Variants in NXPH1 observed in about 807,000 individuals in gnomAD.
NXPH1 encodes the protein neurexophilin 1, also known as neurexophilin-1.
NXPH1 carries 5 observed loss-of-function variants against 23.7 expected under a neutral mutation model. The observed-to-expected ratio is 0.21, with a 90% CI of 0.11 to 0.44. The LOEUF (loss-of-function observed/expected upper bound fraction) is 0.44. Among genes scored for constraint, NXPH1 ranks in the 20% least tolerant of loss-of-function variants. The pLI, the probability that NXPH1 is intolerant of heterozygous loss-of-function variation, is 0.99. For synonymous variants in NXPH1, 144 were observed against 122.2 expected (o/e 1.18, Z -1.18); for missense variants, 324 against 321.6 (o/e 1.01, Z -0.06).
At chr7:8,631,557 GT>G (rs5882181) in intron 2 of NXPH1, among the ~76,000 whole-genome samples, 49,743 of 151,380 alleles carry the variant, frequency 0.33, 8,570 homozygotes, top group African/African-American at 0.44. Flanking sequence ...CATCTATAAG[GT>G]TTTTTTTTCT....
chr7:8,487,465 T>C (rs1215890324), intron 2 of NXPH1, among the ~76,000 whole-genome samples: 1 of 152,150 alleles, frequency 6.6e-6, no homozygotes, highest in East Asian at 1.9e-4. Context: ...TGTGGAACTG[T>C]GAATCAATTA....
intron 2 of NXPH1, among the ~76,000 whole-genome samples, chr7:8,488,872 G>C (rs1005677094): frequency 1.3e-5 from 2 of 152,264 alleles, no homozygotes; most frequent in African/African-American, 4.8e-5. Flanking sequence ...CATTGCTTCT[G>C]TTAAGATGAT....
rs147440735 is a variant in NXPH1, at chr7:8,655,037, C to T, written c.55-95971C>T. ...CTCAACTTTCCATGAAGGTAAGATT[C>T]CCCACTGTGTCTTTTTCTTTTTCCT... On this transcript the variant is annotated intron_variant, in intron 2 of 2. Transcript: ENST00000405863. Among the ~76,000 whole-genome samples the T allele has an allele frequency of 2.3e-3, 346 of 152,158 alleles. 1 individual carries two copies. Among genetic ancestry groups the T allele is most frequent in the African/African-American group, 7.9e-3 (329 of 41,506 alleles).
chr7:8,518,833 A>C (rs1219383453), intron 2 of NXPH1, among the ~76,000 whole-genome samples: 2 of 152,160 alleles, frequency 1.3e-5, no homozygotes, highest in Admixed American at 6.5e-5. Context: ...CTTGTGCTTA[A>C]ACCTAACAGT....
intron 2 of NXPH1, among the ~76,000 whole-genome samples, chr7:8,533,259 G>T (rs982005077): frequency 3.3e-5 from 5 of 152,042 alleles, no homozygotes; most frequent in Admixed American, 1.3e-4. Context: ...ACATCTGGTT[G>T]TCATCAGCCC....
At chr7:8,447,838 G>A (rs527686773) in intron 2 of NXPH1, among the ~76,000 whole-genome samples, 7 of 152,318 alleles carry the variant, frequency 4.6e-5, no homozygotes, top group African/African-American at 1.7e-4. Context: ...GGTTAAAAGT[G>A]TGAGAGGCTT....
At chr7:8,512,024 C>A (rs1323385342) in intron 2 of NXPH1, among the ~76,000 whole-genome samples, 2 of 152,088 alleles carry the variant, frequency 1.3e-5, no homozygotes, top group African/African-American at 2.4e-5. Flanking sequence ...GCTGCAGATG[C>A]CAAAGCTCAA....
intron 2 of NXPH1, among the ~76,000 whole-genome samples, chr7:8,536,370 T>C (rs1350010347): frequency 6.6e-6 from 1 of 151,960 alleles, no homozygotes; most frequent in Non-Finnish European, 1.5e-5. Flanking sequence ...AACATTTCTG[T>C]TTTTTTGTGA....
chr7:8,472,878 C>G (rs545898186), intron 2 of NXPH1, among the ~76,000 whole-genome samples: 1 of 152,162 alleles, frequency 6.6e-6, no homozygotes, highest in Non-Finnish European at 1.5e-5. Context: ...TCCTGGCATT[C>G]CTACAGGCTT....
intron 2 of NXPH1, among the ~76,000 whole-genome samples, chr7:8,691,216 G>C (rs1821216253): frequency 6.6e-6 from 1 of 152,056 alleles, no homozygotes; most frequent in South Asian, 2.1e-4. Context: ...CGTGATCTCA[G>C]TCACCATGAC....
At chr7:8,686,457 A>G (rs1029142374) in intron 2 of NXPH1, among the ~76,000 whole-genome samples, 2 of 152,180 alleles carry the variant, frequency 1.3e-5, no homozygotes, top group Non-Finnish European at 2.9e-5. Context: ...TGTATTTATT[A>G]CACTTGGATA....
At chr7:8,571,505 T>C (rs918599887) in intron 2 of NXPH1, among the ~76,000 whole-genome samples, 2 of 151,542 alleles carry the variant, frequency 1.3e-5, no homozygotes, top group Admixed American at 1.3e-4. Flanking sequence ...CCATAAGAAA[T>C]GGATTGAGGA....
intron 2 of NXPH1, among the ~76,000 whole-genome samples, chr7:8,550,676 C>A (rs1402217375): frequency 6.6e-6 from 1 of 151,596 alleles, no homozygotes; most frequent in Non-Finnish European, 1.5e-5. Context: ...CATTCAGAAA[C>A]TATCAGTTAA....
intron 2 of NXPH1, among the ~76,000 whole-genome samples, chr7:8,690,736 T>G (rs1315862187): frequency 2.0e-5 from 3 of 152,202 alleles, no homozygotes; most frequent in Non-Finnish European, 2.9e-5. Flanking sequence ...ACTTGAGAAA[T>G]AAACAATCCT....
intron 2 of NXPH1, among the ~76,000 whole-genome samples, chr7:8,686,076 A>T (rs1486829682): frequency 1.3e-5 from 2 of 152,140 alleles, no homozygotes; most frequent in African/African-American, 4.8e-5. Context: ...TTAATTTAAA[A>T]ATGAAAAATG....
intron 2 of NXPH1, among the ~76,000 whole-genome samples, chr7:8,479,305 T>C (rs550505753): frequency 1.1e-4 from 16 of 152,276 alleles, no homozygotes; most frequent in African/African-American, 3.6e-4. Context: ...ATTGTTATTC[T>C]TAGACAGTTA....
intron 2 of NXPH1, among the ~76,000 whole-genome samples, chr7:8,699,204 G>C (rs190625060): frequency 6.6e-6 from 1 of 152,016 alleles, no homozygotes; most frequent in African/African-American, 2.4e-5. Flanking sequence ...CATTTTAAAC[G>C]TGAAAACAGG....
At chr7:8,613,861 T>TAC (rs1245794407) in intron 2 of NXPH1, among the ~76,000 whole-genome samples, 1 of 151,980 alleles carries the variant, frequency 6.6e-6, no homozygotes, top group East Asian at 1.9e-4. Flanking sequence ...ATGAAAATCA[T>TAC]ACACACACAT....
At chr7:8,648,832 T>TG (rs1297869999) in intron 2 of NXPH1, among the ~76,000 whole-genome samples, 2 of 152,054 alleles carry the variant, frequency 1.3e-5, no homozygotes, top group Non-Finnish European at 2.9e-5. Flanking sequence ...CAAAACTATA[T>TG]GGGGAATTTA....
Sources: allele counts gnomAD v4.1 joint callset (sites outside exome capture counted in the v4.1 genomes callset), GRCh38; gene constraint gnomAD v4.1.1; transcripts MANE v1.5; gene names NCBI Gene and HGNC (gene_info 2026-07-23, HGNC 2026-07-21).